The following FRYL variants were observed in gnomAD, a reference collection of about 807,000 sequenced individuals.
The protein encoded by FRYL is FRY like transcription coactivator.
In FRYL, 150 loss-of-function variants were observed where a neutral mutation model predicts 351.2. That is an observed-to-expected ratio of 0.43 (90% CI 0.37 to 0.49). The LOEUF is 0.49. FRYL is among the 20% of genes least tolerant of loss of function. FRYL has a pLI of 0.00. For missense variants in FRYL, 3,036 were observed against 3,619.3 expected (o/e 0.84, Z 4.13); for synonymous variants, 1,153 against 1,257.1 (o/e 0.92, Z 1.75).
At chr4:48,628,233 A>C (rs1213511422) in intron 4 of FRYL, among the ~76,000 whole-genome samples, 1 of 152,240 alleles carries the variant, frequency 6.6e-6, no homozygotes, top group Non-Finnish European at 1.5e-5. Flanking sequence ...TCTTTAAAGC[A>C]GCCTCAAACT....
At chr4:48,607,701 T>C (rs1747156204) in intron 9 of FRYL, among the ~76,000 whole-genome samples, 1 of 152,184 alleles carries the variant, frequency 6.6e-6, no homozygotes, top group Non-Finnish European at 1.5e-5. Flanking sequence ...TTTCACGTTT[T>C]CTCCCATGTT....
chr4:48,771,226 TTACA>T (rs1366498746), intron 1 of FRYL, among the ~76,000 whole-genome samples: 1 of 152,170 alleles, frequency 6.6e-6, no homozygotes, highest in East Asian at 1.9e-4. Context: ...ATCAGGAATA[TTACA>T]TACAAGACAT....
chr4:48,761,807 T>C (rs192706855), intron 1 of FRYL, among the ~76,000 whole-genome samples: 24 of 152,350 alleles, frequency 1.6e-4, no homozygotes, highest in African/African-American at 5.0e-4. Context: ...ACAGCCTAGA[T>C]GTGTAGCAGG....
rs1728466351 is a variant in FRYL at position 48,534,585 on chromosome 4, A to C, written c.6665T>G (p.Phe2222Cys). The C allele has an allele frequency of 6.2e-7, 1 of 1,612,920 alleles. No homozygotes were observed. Among genetic ancestry groups the C allele is most frequent in the Non-Finnish European group, 8.5e-7 (1 of 1,179,300 alleles). Residue 2222 changes from phenylalanine to cysteine, a missense_variant, in exon 49 of 64, where the codon TTT (phenylalanine) becomes TGT (cysteine). This residue lies in a region of FRYL where 1,987 missense variants were observed against 2,311.7 expected (regional missense o/e 0.86). Coordinates refer to ENST00000358350, the MANE Select transcript of FRYL (RefSeq NM_015030.2). ...AATAATCTTTATGATCTCCAGATTA[A>C]ACTGCTTGGCTGGGGCTGCAGACAG... The part of the protein sequence containing the change: ...IDLSAAPAKQ[F>C]NLEIIKIIGK...
At chr4:48,575,050 C>T (rs1739296503) in intron 25 of FRYL, 67 bp downstream of exon 25, 6 of 1,546,412 alleles carry the variant, frequency 3.9e-6, no homozygotes, top group Admixed American at 3.4e-5. Context: ...TCTAAGGACC[C>T]TACCACACCT....
intron 3 of FRYL, among the ~76,000 whole-genome samples, chr4:48,683,672 G>A (rs1481636458): frequency 6.6e-6 from 1 of 152,088 alleles, no homozygotes; most frequent in African/African-American, 2.4e-5. Context: ...ACATAAATTT[G>A]TTGCCCTGAA....
Position 48,553,229 on chromosome 4 carries a change from G to C in FRYL, c.4421C>G (p.Pro1474Arg). 6.2e-7 allele frequency: 1 copy of C among 1,610,922 alleles called. No individual in the cohort carries two copies. Among genetic ancestry groups the C allele is most frequent in the Non-Finnish European group, 8.5e-7 (1 of 1,178,956 alleles). The stretch of plus-strand genomic sequence containing the variant: ...AAATTTCTCACCTGAGGTGACAGAA[G>C]GGATTTTATAGCTGGAAGTGATGCG... Reference protein sequence around the residue: ...YYRITSSYKIPSVTSGTTSSS... With the variant: ...YYRITSSYKIRSVTSGTTSSS... The change falls in exon 36 of 64, where the codon CCT becomes CGT. Residue 1474 changes from proline to arginine, a missense_variant. Physicochemically the swap from Pro to Arg is moderately radical, Grantham distance 103. Around this residue, in one of 7 missense-constraint regions of FRYL, gnomAD observed 1,987 missense variants for 2,311.7 expected, o/e 0.86. Coordinates refer to ENST00000358350, the MANE Select transcript of FRYL (RefSeq NM_015030.2).
chr4:48,641,406 A>G (rs1021884312), intron 3 of FRYL, among the ~76,000 whole-genome samples: 1 of 152,130 alleles, frequency 6.6e-6, no homozygotes, highest in Non-Finnish European at 1.5e-5. Flanking sequence ...AGTCTAACAA[A>G]TCTATTCTTA....
chr4:48,759,929 G>C (rs1357631851), intron 1 of FRYL, among the ~76,000 whole-genome samples: 1 of 152,106 alleles, frequency 6.6e-6, no homozygotes, highest in Non-Finnish European at 1.5e-5. Context: ...TAGGGATTAG[G>C]GTGTGGACAT....
At chr4:48,626,488 C>A (rs1517676) in intron 4 of FRYL, among the ~76,000 whole-genome samples, 1 of 152,034 alleles carries the variant, frequency 6.6e-6, no homozygotes. Flanking sequence ...CAAACCATTA[C>A]AATTAGTTTA....
chr4:48,510,941 C>G lies in FRYL; in HGVS notation c.8189G>C (p.Ser2730Thr), dbSNP rs375612964. The G allele has an allele frequency of 1.4e-5, 22 of 1,612,416 alleles. No homozygotes were observed. The African/African-American group carries it at 2.9e-4, about 22-fold the overall frequency. ...GCGTTGCAGACTATCACCAAGAAAGCTGACTGCCTCATTAGTTATTTCTCC... is the reference window on the plus strand; with the variant it reads ...GCGTTGCAGACTATCACCAAGAAAGGTGACTGCCTCATTAGTTATTTCTCC... ...KFGEITNEAV[S>T]FLGDSLQRIG... Residue 2730 changes from serine to threonine, a missense_variant, in exon 58 of 64, where the codon AGC (serine) becomes ACC (threonine). This residue lies in a region of FRYL where 1,987 missense variants were observed against 2,311.7 expected (regional missense o/e 0.86). Transcript: ENST00000358350.
At chr4:48,710,027 T>C (rs988209211) in intron 2 of FRYL, among the ~76,000 whole-genome samples, 2 of 152,196 alleles carry the variant, frequency 1.3e-5, no homozygotes, top group Non-Finnish European at 2.9e-5. Context: ...CAGAGTTGCC[T>C]AGAAAACTTG....
chr4:48,626,237 C>T (rs749021201), intron 4 of FRYL, among the ~76,000 whole-genome samples: 1 of 150,992 alleles, frequency 6.6e-6, no homozygotes, highest in Non-Finnish European at 1.5e-5. Flanking sequence ...TGTCAATAAA[C>T]CTCTCTCTCT....
intron 44 of FRYL, 89 bp downstream of exon 44, chr4:48,543,718 C>T: frequency 9.0e-7 from 1 of 1,115,238 alleles, no homozygotes; most frequent in South Asian, 1.7e-5. Context: ...TGCCCATTAT[C>T]TTGCTCTAGC....
chr4:48,631,169 G>A (rs1752886097), intron 4 of FRYL, among the ~76,000 whole-genome samples: 1 of 152,068 alleles, frequency 6.6e-6, no homozygotes. Context: ...GAGTGTAAGG[G>A]GTAAAATCTG....
chr4:48,756,383 T>C (rs1773779243), intron 1 of FRYL, among the ~76,000 whole-genome samples: 1 of 152,186 alleles, frequency 6.6e-6, no homozygotes, highest in African/African-American at 2.4e-5. Context: ...CACAACACTG[T>C]CAGATATTGT....
Position 48,593,970 on chromosome 4 carries a change from C to G in FRYL, c.1295G>C (p.Ser432Thr), listed in dbSNP as rs550369172. The change falls in exon 16 of 64, where the codon AGT becomes ACT. Residue 432 changes from serine (S) to threonine (T), a missense_variant. Physicochemically the swap from Ser to Thr is moderately conservative, Grantham distance 58. This residue lies in a region of FRYL where 457 missense variants were observed against 566.6 expected (regional missense o/e 0.81). Coordinates refer to ENST00000358350, the MANE Select transcript of FRYL (RefSeq NM_015030.2). The stretch of plus-strand genomic sequence containing the variant: ...GAAAGTTTTAGTAGATTTTCCAACA[C>G]TGAGAAGATCAAATATTATTTCTTT... Reference protein sequence around the residue: ...AMKEIIFDLLSVGKSTKTFTI... With the variant: ...AMKEIIFDLLTVGKSTKTFTI... 14 of 1,483,396 alleles carry G rather than the reference C, an allele frequency of 9.4e-6. No homozygotes were observed. In the African/African-American group the frequency reaches 1.9e-4, roughly 20 times the overall value. 91.9% of individuals were successfully genotyped at this position (1,483,396 alleles called of 1,614,324 possible).
rs1267123582 is a variant in FRYL at position 48,543,796 on chromosome 4, T to A, written c.5592+11A>T. On this transcript the variant is annotated intron_variant, in intron 44 of 63. Coordinates refer to ENST00000358350, the MANE Select transcript of FRYL (RefSeq NM_015030.2). ...CTGCTCAATAACTGCTGAAAGAATA[T>A]AAGGAAATACCTGTGCATCTTCTCC... is the stretch of plus-strand genomic sequence containing the variant. The A allele has an allele frequency of 5.6e-6, 9 of 1,608,786 alleles. No homozygotes were observed. The highest frequency in any genetic ancestry group is 7.6e-6 in the Non-Finnish European group (9 of 1,177,282).
rs759122048 is a variant in FRYL, at chr4:48,512,639, G to C, written c.7987C>G (p.Leu2663Val). Reference sequence around the variant, plus strand: ...ATGGCAGAAAGAAATGGTGACGGCAGAGGCGACGTCTGTACTTCTGGAAAA... The same window carrying C: ...ATGGCAGAAAGAAATGGTGACGGCACAGGCGACGTCTGTACTTCTGGAAAA... ...DGFPEVQTSP[L>V]PSPFLSAIIA... is the part of the protein sequence containing the mutation. The change falls in exon 57 of 64, where the codon CTG becomes GTG. Residue 2663 changes from leucine to valine, a missense_variant. Physicochemically the swap from Leu to Val is conservative, Grantham distance 32. Coordinates refer to ENST00000358350, the MANE Select transcript of FRYL (RefSeq NM_015030.2). The C allele has an allele frequency of 6.2e-7, 1 of 1,614,042 alleles. No individual in the cohort carries two copies. Among genetic ancestry groups the C allele is most frequent in the Non-Finnish European group, 8.5e-7 (1 of 1,179,950 alleles).
Sources: gnomAD v4.1 joint callset for allele counts (sites outside exome capture counted in the v4.1 genomes callset) on GRCh38, gnomAD v4.1.1 for gene constraint, gnomAD v4.1.1 regional missense constraint, MANE v1.5 for transcripts, NCBI Gene and HGNC (gene_info 2026-07-23, HGNC 2026-07-21) for gene names.